The following DSCAM variants were observed in gnomAD, a reference collection of about 807,000 sequenced individuals.
The protein encoded by DSCAM is cell adhesion molecule DSCAM.
DSCAM carries 47 observed loss-of-function variants against 217.7 expected under a neutral mutation model. The observed-to-expected ratio is 0.22, with a 90% confidence interval of 0.17 to 0.28. The LOEUF (loss-of-function observed/expected upper bound fraction) is 0.28. Among genes scored for constraint, DSCAM ranks in the 10% least tolerant of loss-of-function variants. DSCAM has a pLI of 1.00. For missense variants in DSCAM, 2,080 were observed against 2,618.3 expected, an observed-to-expected ratio of 0.79 and a Z score of 4.49; for synonymous variants, 1,056 against 1,015.3, an observed-to-expected ratio of 1.04 and a Z score of -0.76.
intron 3 of DSCAM, among the ~76,000 whole-genome samples, chr21:40,633,467 T>G (rs1156790187): frequency 6.6e-6 from 1 of 152,206 alleles, no homozygotes; most frequent in Non-Finnish European, 1.5e-5. Flanking sequence ...GTAAATAGCA[T>G]CTTAATAAAT....
At chr21:40,534,785 A>G (rs1204585917) in intron 3 of DSCAM, among the ~76,000 whole-genome samples, 1 of 152,206 alleles carries the variant, frequency 6.6e-6, no homozygotes, top group South Asian at 2.1e-4. Context: ...ATAATCTTCT[A>G]TATTACTTAT....
chr21:40,614,917 T>TGCC (rs1004469217), intron 3 of DSCAM, among the ~76,000 whole-genome samples: 74 of 152,060 alleles, frequency 4.9e-4, no homozygotes, highest in African/African-American at 1.7e-3. Context: ...CACACACTTA[T>TGCC]GCCACATGTA....
At chr21:40,528,856 A>G (rs1568880577) in intron 3 of DSCAM, among the ~76,000 whole-genome samples, 1 of 147,872 alleles carries the variant, frequency 6.8e-6, no homozygotes, top group Non-Finnish European at 1.5e-5. Context: ...CATGGACAGG[A>G]TGAAAGACAC....
intron 11 of DSCAM, among the ~76,000 whole-genome samples, chr21:40,255,997 ACT>A (rs2073365334): frequency 6.6e-6 from 1 of 152,080 alleles, no homozygotes; most frequent in African/African-American, 2.4e-5. Flanking sequence ...AACCTGCAAA[ACT>A]CTGGATAATA....
intron 3 of DSCAM, among the ~76,000 whole-genome samples, chr21:40,587,467 C>T (rs775440151): frequency 2.0e-5 from 3 of 151,952 alleles, no homozygotes; most frequent in Non-Finnish European, 4.4e-5. Context: ...TGGTGTGTAC[C>T]CCGTAACTGG....
chr21:40,493,875 A>ATATAT lies in DSCAM; in HGVS notation c.509-124631_509-124630insATATA, dbSNP rs1453613615. ...CAAAACTCCATCTCAAAAAAAAAAA[A>ATATAT]AAAAATATATACATATATATACATA... On this transcript the variant is annotated intron_variant, in intron 3 of 32. Coordinates refer to ENST00000400454, the MANE Select transcript of DSCAM (RefSeq NM_001389.5). Among the ~76,000 whole-genome samples the ATATAT allele has an allele frequency of 4.4e-5, 6 of 135,142 alleles. No homozygotes were observed. In the East Asian group the frequency reaches 9.0e-4, roughly 20 times the overall value. The allele number at this position is 135,142 out of a possible 152,430, so 88.7% of individuals were successfully genotyped here. A position where few individuals can be genotyped will look rare whatever the true frequency, so the allele number is the denominator to read the frequency against.
At chr21:40,511,990 C>CAAAAAAAA (rs780829574) in intron 3 of DSCAM, among the ~76,000 whole-genome samples, 1,635 of 26,672 alleles carry the variant, frequency 0.061, 206 homozygotes, top group African/African-American at 0.24. Context: ...GACTCTGTCT[C>CAAAAAAAA]AAAAAAAAAA....
At chr21:40,359,253 C>A (rs1419145321) in intron 4 of DSCAM, among the ~76,000 whole-genome samples, 1 of 152,220 alleles carries the variant, frequency 6.6e-6, no homozygotes, top group East Asian at 1.9e-4. Context: ...TTCACATCCA[C>A]ATCACAGCAA....
At chr21:40,845,561 C>A (rs2092137873) in intron 1 of DSCAM, among the ~76,000 whole-genome samples, 1 of 151,484 alleles carries the variant, frequency 6.6e-6, no homozygotes, top group African/African-American at 2.4e-5. Context: ...CTCTCTCTCT[C>A]TCTCTCTCTG....
At chr21:40,364,441 C>T (rs1462765127) in intron 4 of DSCAM, among the ~76,000 whole-genome samples, 1 of 150,072 alleles carries the variant, frequency 6.7e-6, no homozygotes, top group East Asian at 2.0e-4. Context: ...AAAAACCAAA[C>T]ACCGCATGTT....
intron 3 of DSCAM, among the ~76,000 whole-genome samples, chr21:40,482,991 T>C (rs1409630807): frequency 6.6e-6 from 1 of 152,234 alleles, no homozygotes; most frequent in Non-Finnish European, 1.5e-5. Flanking sequence ...ATGTAATTAT[T>C]TTTTAAAGTA....
chr21:40,461,743 G>C (rs1439570391), intron 3 of DSCAM, among the ~76,000 whole-genome samples: 1 of 152,194 alleles, frequency 6.6e-6, no homozygotes, highest in Non-Finnish European at 1.5e-5. Flanking sequence ...GTTCTTAAAA[G>C]TGGAAGCAAG....
At chr21:40,550,969 T>C (rs973629010) in intron 3 of DSCAM, among the ~76,000 whole-genome samples, 5 of 152,234 alleles carry the variant, frequency 3.3e-5, no homozygotes, top group African/African-American at 1.2e-4. Flanking sequence ...TGTTACAGTG[T>C]AGATTACAGT....
intron 19 of DSCAM, among the ~76,000 whole-genome samples, chr21:40,127,311 G>A (rs376043437): frequency 1.3e-5 from 2 of 152,206 alleles, no homozygotes; most frequent in East Asian, 3.9e-4. Context: ...GACACTGAGA[G>A]TTGCAGAAGA....
intron 27 of DSCAM, among the ~76,000 whole-genome samples, chr21:40,067,495 C>T (rs2089224415): frequency 6.6e-6 from 1 of 152,136 alleles, no homozygotes. Flanking sequence ...TCTTTCCTTT[C>T]AGTGAAACAG....
At position 40,637,310 on chromosome 21, in the gene DSCAM, T is replaced by A. The variant is rs867600085; in HGVS notation, c.508+55500A>T. Among the ~76,000 whole-genome samples, 43 of 25,914 alleles carry A rather than the reference T, an allele frequency of 1.7e-3. 3 individuals are homozygous for A. The highest frequency in any genetic ancestry group is 5.9e-3 in the South Asian group (3 of 506). 17.0% of individuals were successfully genotyped at this position (25,914 alleles called of 152,430 possible). A position where few individuals can be genotyped will look rare whatever the true frequency, so the allele number is the denominator to read the frequency against. On this transcript the variant is annotated intron_variant, in intron 3 of 32. Coordinates refer to ENST00000400454, the MANE Select transcript of DSCAM (RefSeq NM_001389.5). ...ATATATATAAATATAAATATATATA[T>A]AAATATATATAAATATAAATATATA...
intron 3 of DSCAM, among the ~76,000 whole-genome samples, chr21:40,420,337 C>T (rs933271318): frequency 4.6e-5 from 7 of 152,094 alleles, no homozygotes; most frequent in Non-Finnish European, 1.0e-4. Context: ...TTCTGGATTT[C>T]GTTTATCTTT....
chr21:40,551,639 C>G (rs994625035), intron 3 of DSCAM, among the ~76,000 whole-genome samples: 8 of 152,086 alleles, frequency 5.3e-5, no homozygotes. Flanking sequence ...TTTGCAGAAC[C>G]ATTTCCAAAA....
chr21:40,737,345 A>G (rs186407457), intron 1 of DSCAM, among the ~76,000 whole-genome samples: 41 of 152,326 alleles, frequency 2.7e-4, no homozygotes, highest in African/African-American at 9.9e-4. Context: ...TTGCTTTTAA[A>G]AACTCAGCAA....
Sources: gnomAD v4.1 joint callset for allele counts (sites outside exome capture counted in the v4.1 genomes callset) on GRCh38, gnomAD v4.1.1 for gene constraint, MANE v1.5 for transcripts, NCBI Gene and HGNC (gene_info 2026-07-23, HGNC 2026-07-21) for gene names.